The following KIF6 variants were observed in gnomAD, a reference collection of about 807,000 sequenced individuals.
The protein encoded by KIF6 is kinesin family member 6, also known as kinesin-like protein KIF6.
A neutral mutation model predicts 112.7 loss-of-function variants in KIF6; 106 were observed. The ratio of observed to expected loss-of-function variants is 0.94; its 90% CI spans 0.80 to 1.11. The LOEUF is 1.11. Ranked by LOEUF, KIF6 falls within the 50% of genes least tolerant of loss-of-function variation. KIF6 has a pLI of 0.00. For missense variants in KIF6, 929 were observed against 964.0 expected, an observed-to-expected ratio of 0.96 and a Z score of 0.48; for synonymous variants, 339 against 339.9, an observed-to-expected ratio of 1.00 and a Z score of 0.03.
At chr6:39,686,986 T>G (rs1426285142) in intron 3 of KIF6, among the ~76,000 whole-genome samples, 2 of 152,148 alleles carry the variant, frequency 1.3e-5, no homozygotes, top group East Asian at 3.9e-4. Flanking sequence ...GAAGCTACAC[T>G]TTAGGAGGCT....
chr6:39,709,444 G>A (rs959621185), intron 3 of KIF6, among the ~76,000 whole-genome samples: 1 of 152,198 alleles, frequency 6.6e-6, no homozygotes, highest in African/African-American at 2.4e-5. Context: ...TGCCGCAGCT[G>A]ATCTGACAGG....
intron 3 of KIF6, among the ~76,000 whole-genome samples, chr6:39,674,507 T>C (rs1254412026): frequency 6.6e-6 from 1 of 151,780 alleles, no homozygotes; most frequent in Non-Finnish European, 1.5e-5. Context: ...AGGCCCAGAG[T>C]GCGCACTTAA....
chr6:39,604,625 A>G (rs1206539560), intron 6 of KIF6, among the ~76,000 whole-genome samples: 1 of 152,166 alleles, frequency 6.6e-6, no homozygotes, highest in Admixed American at 6.6e-5. Context: ...CTTATCCAGC[A>G]TGTTGTCAAA....
At chr6:39,550,560 A>C (rs1274147041) in intron 10 of KIF6, among the ~76,000 whole-genome samples, 1 of 152,174 alleles carries the variant, frequency 6.6e-6, no homozygotes, top group Non-Finnish European at 1.5e-5. Flanking sequence ...GGGGGATGAA[A>C]AATACCCCAG....
At chr6:39,532,854 G>A (rs1229220774) in intron 13 of KIF6, among the ~76,000 whole-genome samples, 6 of 152,140 alleles carry the variant, frequency 3.9e-5, no homozygotes, top group Non-Finnish European at 7.3e-5. Context: ...TTTGTTCTAG[G>A]ACATTCCATA....
At chr6:39,435,133 A>G (rs73424678) in intron 13 of KIF6, among the ~76,000 whole-genome samples, 3,194 of 152,258 alleles carry the variant, frequency 0.021, 93 homozygotes, top group African/African-American at 0.057. Context: ...TTCCAGGGAA[A>G]GTAGGCCTGA....
At chr6:39,598,227 T>C (rs1029647179) in intron 6 of KIF6, among the ~76,000 whole-genome samples, 7 of 151,980 alleles carry the variant, frequency 4.6e-5, no homozygotes, top group African/African-American at 1.2e-4. Flanking sequence ...TAAAGAACTC[T>C]TGCAAATCAG....
intron 5 of KIF6, among the ~76,000 whole-genome samples, chr6:39,614,334 T>A (rs1783387881): frequency 6.6e-6 from 1 of 152,240 alleles, no homozygotes; most frequent in Admixed American, 6.5e-5. Flanking sequence ...CATTTGGAAT[T>A]GTTGACACTA....
chr6:39,425,561 C>A (rs1164667825), intron 14 of KIF6, among the ~76,000 whole-genome samples: 1 of 152,164 alleles, frequency 6.6e-6, no homozygotes, highest in African/African-American at 2.4e-5. Flanking sequence ...GCTGCATCCT[C>A]CTACTTCTCG....
intron 13 of KIF6, among the ~76,000 whole-genome samples, chr6:39,477,510 T>G (rs112391932): frequency 0.022 from 3,382 of 152,298 alleles, 67 homozygotes; most frequent in Non-Finnish European, 0.029. Context: ...CTCTGCATAA[T>G]GGAATACTAT....
chr6:39,706,764 AT>A (rs1457900735), intron 3 of KIF6, among the ~76,000 whole-genome samples: 2 of 152,230 alleles, frequency 1.3e-5, no homozygotes, highest in Admixed American at 1.3e-4. Context: ...TCAGTGGTGA[AT>A]AACGTTTCCT....
At chr6:39,363,939 GCT>G (rs1765367890) in intron 16 of KIF6, among the ~76,000 whole-genome samples, 1 of 152,302 alleles carries the variant, frequency 6.6e-6, no homozygotes, top group African/African-American at 2.4e-5. Context: ...ATGGCGGACA[GCT>G]CTGTTTCCTC....
intron 13 of KIF6, among the ~76,000 whole-genome samples, chr6:39,495,142 A>G (rs1775709622): frequency 6.6e-6 from 1 of 152,170 alleles, no homozygotes; most frequent in African/African-American, 2.4e-5. Flanking sequence ...GGGACAAATT[A>G]CTGTAATTAA....
chr6:39,359,964 A>G (rs1189931640), intron 18 of KIF6, among the ~76,000 whole-genome samples: 1 of 152,340 alleles, frequency 6.6e-6, no homozygotes, highest in East Asian at 1.9e-4. Context: ...AAACATGTTA[A>G]TATCAATTAC....
At chr6:39,419,604 C>T (rs1770200904) in intron 15 of KIF6, among the ~76,000 whole-genome samples, 2 of 152,150 alleles carry the variant, frequency 1.3e-5, no homozygotes, top group South Asian at 2.1e-4. Context: ...TTTCCCCATA[C>T]TTGAAATACG....
At chr6:39,638,248 C>T (rs966617355) in intron 4 of KIF6, among the ~76,000 whole-genome samples, 6 of 152,046 alleles carry the variant, frequency 3.9e-5, no homozygotes, top group African/African-American at 1.4e-4. Context: ...GTATGTTCAG[C>T]CCCTCACAGC....
intron 11 of KIF6, 37 bp from the exon 12 acceptor site, chr6:39,544,730 T>A: frequency 7.7e-7 from 1 of 1,300,466 alleles, no homozygotes; most frequent in Non-Finnish European, 1.1e-6. Context: ...CCCATATCTC[T>A]AGTCCAAATT....
At chr6:39,678,914 G>A (rs1421147015) in intron 3 of KIF6, among the ~76,000 whole-genome samples, 2 of 152,042 alleles carry the variant, frequency 1.3e-5, no homozygotes, top group East Asian at 1.9e-4. Flanking sequence ...ATCATAAAAG[G>A]CCCCAGTACC....
At chr6:39,675,535 G>T (rs1787081063) in intron 3 of KIF6, among the ~76,000 whole-genome samples, 2 of 151,992 alleles carry the variant, frequency 1.3e-5, no homozygotes, top group Admixed American at 1.3e-4. Context: ...CCATAAACTA[G>T]CAGAACAGGA....
Sources: gnomAD v4.1 joint callset for allele counts (sites outside exome capture counted in the v4.1 genomes callset) on GRCh38, gnomAD v4.1.1 for gene constraint, MANE v1.5 for transcripts, NCBI Gene and HGNC (gene_info 2026-07-23, HGNC 2026-07-21) for gene names.